DNAH11: variants seen among roughly 807,000 people sequenced by gnomAD.
DNAH11 encodes the protein dynein axonemal heavy chain 11, also known as axonemal beta dynein heavy chain 11.
Under a neutral mutation model 526.0 loss-of-function variants are expected in DNAH11, and 442 were observed. That is an observed-to-expected ratio of 0.84 (90% CI 0.78 to 0.91). The LOEUF (loss-of-function observed/expected upper bound fraction) is 0.91, where lower values mean the gene tolerates loss of function less well. Ranked by LOEUF, DNAH11 falls within the 40% of genes least tolerant of loss-of-function variation. The pLI is 0.00. For missense variants in DNAH11, 6,989 were observed against 5,448.7 expected, an observed-to-expected ratio of 1.28 and a Z score of -8.90; for synonymous variants, 2,461 against 1,935.9, an observed-to-expected ratio of 1.27 and a Z score of -7.12.
At chr7:21,620,996 G>A (rs1432465922) in intron 25 of DNAH11, among the ~76,000 whole-genome samples, 1 of 151,974 alleles carries the variant, frequency 6.6e-6, no homozygotes, top group African/African-American at 2.4e-5. Flanking sequence ...CCAAGTCTTT[G>A]CTGTTGTGAA....
chr7:21,781,297 G>T (rs1016533427), intron 57 of DNAH11, among the ~76,000 whole-genome samples: 2 of 152,156 alleles, frequency 1.3e-5, no homozygotes, highest in African/African-American at 4.8e-5. Flanking sequence ...ATGTCTTGCC[G>T]TGAACCTTGA....
At chr7:21,834,934 G>A (rs1217263836) in intron 65 of DNAH11, among the ~76,000 whole-genome samples, 3 of 151,942 alleles carry the variant, frequency 2.0e-5, no homozygotes, top group African/African-American at 7.3e-5. Flanking sequence ...AATCAGAGAC[G>A]AAAAACAAAA....
rs1477335949 is a variant in DNAH11, at chr7:21,570,178, T to A, written c.1304T>A (p.Phe435Tyr). 6 of 1,613,492 alleles carry A rather than the reference T, an allele frequency of 3.7e-6. No individual in the cohort carries two copies. In the East Asian group the frequency reaches 1.3e-4, roughly 36 times the overall value. ...TTAAAGACTTTCAAAAACTCCTTTTTCAACTATAGAAAAAAATTGGCAAGC... is the reference window on the plus strand; with the variant it reads ...TTAAAGACTTTCAAAAACTCCTTTTACAACTATAGAAAAAAATTGGCAAGC... ...NILKTFKNSF[F>Y]NYRKKLASYF... is the part of the protein sequence containing the mutation. The change falls in exon 7 of 82, where the codon TTC (phenylalanine) becomes TAC (tyrosine). Residue 435 changes from phenylalanine to tyrosine, a missense_variant. Coordinates refer to ENST00000409508, the MANE Select transcript of DNAH11 (RefSeq NM_001277115.2).
intron 65 of DNAH11, among the ~76,000 whole-genome samples, chr7:21,836,786 A>C (rs997218900): frequency 6.6e-6 from 1 of 152,124 alleles, no homozygotes; most frequent in African/African-American, 2.4e-5. Context: ...CAAAGGAAAT[A>C]ACCAACAGAG....
chr7:21,600,151 T>C (rs773322440), intron 15 of DNAH11, 32 bp downstream of exon 15: 1 of 1,491,692 alleles, frequency 6.7e-7, no homozygotes, highest in Non-Finnish European at 8.9e-7. Flanking sequence ...ATTTAGCTTT[T>C]ATATTAATGA....
intron 28 of DNAH11, among the ~76,000 whole-genome samples, chr7:21,652,156 T>A (rs1005353463): frequency 6.6e-6 from 1 of 152,108 alleles, no homozygotes. Flanking sequence ...GAGAGTGATA[T>A]GCAGCCAGGG....
chr7:21,551,070 G>A (rs1205094549), intron 2 of DNAH11, among the ~76,000 whole-genome samples: 1 of 151,994 alleles, frequency 6.6e-6, no homozygotes, highest in Admixed American at 6.6e-5. Context: ...ACAGAGCCTG[G>A]GGTCCCCGAA....
intron 54 of DNAH11, among the ~76,000 whole-genome samples, chr7:21,757,381 G>A (rs535578838): frequency 1.7e-4 from 26 of 152,214 alleles, no homozygotes; most frequent in African/African-American, 5.8e-4. Context: ...TTAGGAAAAG[G>A]TGTTGCAGTT....
At chr7:21,588,482 C>G in intron 10 of DNAH11, 30 bp from the exon 11 acceptor site, 2 of 1,611,430 alleles carry the variant, frequency 1.2e-6, no homozygotes, top group Non-Finnish European at 1.7e-6. Flanking sequence ...TGTTCCCTTT[C>G]TTCCTCTTCA....
At chr7:21,682,990 A>G (rs571659446) in intron 31 of DNAH11, among the ~76,000 whole-genome samples, 9 of 152,250 alleles carry the variant, frequency 5.9e-5, no homozygotes, top group South Asian at 2.1e-4. Context: ...CTCCTTTAAT[A>G]TGGCCTTGTA....
chr7:21,699,310 A>T (rs17333050), intron 36 of DNAH11, among the ~76,000 whole-genome samples: 9 of 152,130 alleles, frequency 5.9e-5, no homozygotes, highest in African/African-American at 2.2e-4. Context: ...CTACTCTCCA[A>T]TCATAAGCTT....
intron 51 of DNAH11, among the ~76,000 whole-genome samples, chr7:21,747,367 G>T (rs937682324): frequency 6.6e-6 from 1 of 152,120 alleles, no homozygotes; most frequent in Non-Finnish European, 1.5e-5. Context: ...TTTTCAAAAA[G>T]CACTATTTAA....
rs1428231658 is a variant in DNAH11 at position 21,873,452 on chromosome 7, C to T, written c.12146C>T (p.Pro4049Leu). The T allele has an allele frequency of 1.8e-5, 29 of 1,613,800 alleles. No homozygotes were observed. Among genetic ancestry groups the T allele is most frequent in the African/African-American group, 2.7e-5 (2 of 74,908 alleles). Reference sequence around the variant, plus strand: ...TCCATTAAGATCACTAATGAACCCCCAACAGGGATGCTGGCCAATTTGCAT... The same window carrying T: ...TCCATTAAGATCACTAATGAACCCCTAACAGGGATGCTGGCCAATTTGCAT... Reference protein sequence around the residue: ...ENSIKITNEPPTGMLANLHAA... With the variant: ...ENSIKITNEPLTGMLANLHAA... The change falls in exon 74 of 82, where the codon CCA (proline) becomes CTA (leucine). Residue 4049 changes from proline (P) to leucine (L), a missense_variant. Coordinates refer to ENST00000409508, the MANE Select transcript of DNAH11 (RefSeq NM_001277115.2).
At chr7:21,861,832 T>C (rs763600388) in intron 68 of DNAH11, 21 bp from the exon 69 acceptor site, 4 of 1,610,222 alleles carry the variant, frequency 2.5e-6, no homozygotes, top group South Asian at 2.2e-5. Flanking sequence ...CACATTTTAA[T>C]GGTCACATTA....
intron 2 of DNAH11, among the ~76,000 whole-genome samples, chr7:21,555,687 G>A (rs915158155): frequency 7.9e-5 from 12 of 152,182 alleles, no homozygotes; most frequent in East Asian, 1.9e-4. Flanking sequence ...TGTGCATGAC[G>A]TTGCCTGGTT....
rs371178856 is a variant in DNAH11 at position 21,761,896 on chromosome 7, G to A, written c.8941-3532G>A. On this transcript the variant is annotated intron_variant, in intron 54 of 81. Transcript: ENST00000409508. ...CTCACACTGCTATAAAGAAATGCCC[G>A]AGACTGGATAATTTATAAAGGAAAG... Among the ~76,000 whole-genome samples, 30 of 152,140 alleles carry A rather than the reference G, an allele frequency of 2.0e-4. No homozygotes were observed. In the South Asian group the frequency reaches 6.0e-3, roughly 31 times the overall value.
intron 25 of DNAH11, among the ~76,000 whole-genome samples, chr7:21,633,270 A>G (rs1786702217): frequency 6.6e-6 from 1 of 152,216 alleles, no homozygotes; most frequent in African/African-American, 2.4e-5. Context: ...TTTGCACTTG[A>G]GAAAAATCTG....
intron 20 of DNAH11, among the ~76,000 whole-genome samples, chr7:21,610,893 T>C (rs368116762): frequency 6.6e-6 from 1 of 152,258 alleles, no homozygotes; most frequent in Non-Finnish European, 1.5e-5. Flanking sequence ...CCAACTGTTC[T>C]ATTCATACTT....
chr7:21,561,262 C>T (rs920587941), intron 5 of DNAH11, 92 bp downstream of exon 5: 3 of 918,906 alleles, frequency 3.3e-6, no homozygotes, highest in Non-Finnish European at 5.1e-6. Context: ...ACCCTTCCGC[C>T]ATGTTTGTGG....
Sources: allele counts gnomAD v4.1 joint callset (sites outside exome capture counted in the v4.1 genomes callset), GRCh38; gene constraint gnomAD v4.1.1; transcripts MANE v1.5; gene names NCBI Gene and HGNC (gene_info 2026-07-23, HGNC 2026-07-21).